The following LIPG variants were observed in gnomAD, a reference collection of about 807,000 sequenced individuals.
LIPG encodes the protein endothelial lipase.
In LIPG, 34 loss-of-function variants were observed where a neutral mutation model predicts 51.8. That is an observed-to-expected ratio of 0.66 (90% CI 0.50 to 0.87). LIPG has a LOEUF of 0.87. Among genes scored for constraint, LIPG ranks in the 40% least tolerant of loss-of-function variants. The pLI, the probability that LIPG is intolerant of heterozygous loss-of-function variation, is 0.00. For synonymous variants in LIPG, 246 were observed against 246.1 expected (o/e 1.00, Z 0.00); for missense variants, 580 against 652.7 (o/e 0.89, Z 1.21).
chr18:49,580,105 C>A (rs1251981232), intron 5 of LIPG, among the ~76,000 whole-genome samples: 1 of 152,172 alleles, frequency 6.6e-6, no homozygotes, highest in African/African-American at 2.4e-5. Flanking sequence ...TGAGCCACTG[C>A]CCGGCTGGAT....
rs45455295 is a variant in LIPG, at chr18:49,565,273, C to T, written c.98-44C>T. The T allele has an allele frequency of 5.9e-3, 9,445 of 1,600,530 alleles. 36 individuals are homozygous for T. The highest frequency in any genetic ancestry group is 7.6e-3 in the Non-Finnish European group (8,916 of 1,169,700). The stretch of plus-strand genomic sequence containing the variant: ...GAATCAGACCCCAGGTCTCTCACTC[C>T]GCAAGTCTGCTAGATGCACCCACGC... On this transcript the variant is annotated intron_variant, in intron 1 of 9. Transcript: ENST00000261292.
chr18:49,561,732 C>G (rs998603763), upstream of LIPG: 2 of 1,245,202 alleles, frequency 1.6e-6, no homozygotes, highest in African/African-American at 3.1e-5. Flanking sequence ...CGCAGAGTTT[C>G]AGGGAAATGT....
At chr18:49,561,720 G>A (rs913201451), upstream of LIPG, 19 of 1,244,968 alleles carry the variant, frequency 1.5e-5, no homozygotes, top group Non-Finnish European at 1.9e-5. Context: ...CTCCCCAGCG[G>A]ACGCAGAGTT....
Position 49,567,573 on chromosome 18 carries a change from T to C in LIPG, c.411T>C (p.Asn137=). ...AGCTTTACACGGATGCGGTCAATAA[T>C]ACCAGGGTGGTGGGACACAGCATTG... is the stretch of plus-strand genomic sequence containing the variant. The part of the protein sequence containing the change: ...AHQLYTDAVN[N]TRVVGHSIAR... Residue 137 remains asparagine (N), a synonymous_variant, in exon 3 of 10, where the codon AAT becomes AAC. Coordinates refer to ENST00000261292, the MANE Select transcript of LIPG (RefSeq NM_006033.4). The C allele has an allele frequency of 6.2e-7, 1 of 1,614,138 alleles. No homozygotes were observed. The highest frequency in any genetic ancestry group is 8.5e-7 in the Non-Finnish European group (1 of 1,180,030).
At chr18:49,563,746 G>A (rs1216984366) in intron 1 of LIPG, among the ~76,000 whole-genome samples, 1 of 152,086 alleles carries the variant, frequency 6.6e-6, no homozygotes, top group Non-Finnish European at 1.5e-5. Flanking sequence ...GGACATCTGG[G>A]TGAGGAACAA....
rs548969156 is a variant in LIPG, at chr18:49,575,907, C to T, written c.793+317C>T. ...AGGTTAGAGTGCAATGGTGCAATCT[C>T]GGCTCACTGCAACCTCCACCTCCCT... On this transcript the variant is annotated intron_variant, in intron 5 of 9. Transcript: ENST00000261292. Among the ~76,000 whole-genome samples, 3 of 150,252 alleles carry T rather than the reference C, an allele frequency of 2.0e-5. No individual in the cohort carries two copies. In the South Asian group the frequency reaches 6.3e-4, roughly 32 times the overall value.
chr18:49,561,694 C>T, upstream of LIPG: 6 of 1,245,072 alleles, frequency 4.8e-6, no homozygotes, highest in Non-Finnish European at 6.0e-6. Flanking sequence ...GGATGCTCTC[C>T]TTCTCCAGGG....
intron 1 of LIPG, 111 bp from the exon 2 acceptor site, chr18:49,565,206 C>G (rs940386427): frequency 9.5e-7 from 1 of 1,053,676 alleles, no homozygotes; most frequent in Non-Finnish European, 1.4e-6. Flanking sequence ...ATGTAAAAAC[C>G]GAAACCCAGA....
chr18:49,564,059 C>G (rs145318279), intron 1 of LIPG, among the ~76,000 whole-genome samples: 3 of 152,166 alleles, frequency 2.0e-5, no homozygotes, highest in African/African-American at 7.2e-5. Flanking sequence ...ACCTGACTTC[C>G]GCTCATGTGC....
At chr18:49,590,222 A>G (rs1317109990) in intron 9 of LIPG, 2 of 525,160 alleles carry the variant, frequency 3.8e-6, no homozygotes, top group African/African-American at 3.9e-5. Flanking sequence ...TTGTGGGTGG[A>G]TAATATGTAA....
rs2143987742 is a variant in LIPG, at chr18:49,592,100, C to T, written c.*1578C>T. 1 of 152,128 alleles carries T rather than the reference C, an allele frequency of 6.6e-6. No individual in the cohort carries two copies. Among genetic ancestry groups the T allele is most frequent in the East Asian group, 1.9e-4 (1 of 5,174 alleles). 9.4% of individuals were successfully genotyped at this position (152,128 alleles called of 1,614,324 possible). A position where few individuals can be genotyped will look rare whatever the true frequency, so the allele number is the denominator to read the frequency against. ...TGAGATTCGGGAGGAAGTGTGACACCAAGCAGGAGAGGAAGAATGATTTTC... is the reference window on the plus strand; with the variant it reads ...TGAGATTCGGGAGGAAGTGTGACACTAAGCAGGAGAGGAAGAATGATTTTC... On this transcript the variant is annotated 3_prime_UTR_variant, in exon 10 of 10. Transcript: ENST00000261292.
intron 5 of LIPG, among the ~76,000 whole-genome samples, chr18:49,580,658 G>GA (rs149374502): frequency 2.0e-4 from 29 of 145,668 alleles, no homozygotes; most frequent in South Asian, 6.6e-4. Flanking sequence ...ACAAAGCAAA[G>GA]AAAAAAAAAA....
intron 5 of LIPG, among the ~76,000 whole-genome samples, chr18:49,581,067 T>C (rs1258241633): frequency 6.6e-6 from 1 of 152,144 alleles, no homozygotes; most frequent in Non-Finnish European, 1.5e-5. Flanking sequence ...AAGACCAGCC[T>C]GGGCAATGTG....
upstream of LIPG, chr18:49,561,665 T>G: frequency 8.1e-7 from 1 of 1,238,358 alleles, no homozygotes. Context: ...AGAGAGAGTG[T>G]GGCTTTGAGC....
intron 5 of LIPG, among the ~76,000 whole-genome samples, chr18:49,580,945 C>T (rs1433356858): frequency 6.6e-6 from 1 of 152,196 alleles, no homozygotes; most frequent in Non-Finnish European, 1.5e-5. Context: ...GGGAACCTAG[C>T]ACCTTGCTGG....
chr18:49,582,627 GC>G, intron 7 of LIPG, 145 bp downstream of exon 7: 2 of 1,035,800 alleles, frequency 1.9e-6, no homozygotes, highest in Non-Finnish European at 1.5e-6. Context: ...GGTCTAGCTG[GC>G]CTCTGCAGTC....
rs2084936795 is a variant in LIPG, at chr18:49,590,937, T to C, written c.*415T>C. On this transcript the variant is annotated 3_prime_UTR_variant, in exon 10 of 10. Transcript: ENST00000261292. ...CTGCTCAGCCTGCTTTGAGCCTCAG[T>C]GAGAAGTCCTTCCGACAGGAGCTGA... 1 of 300,844 alleles carries C rather than the reference T, an allele frequency of 3.3e-6. No homozygotes were observed. The highest frequency in any genetic ancestry group is 4.4e-5 in the Admixed American group (1 of 22,594). The allele number at this position is 300,844 out of a possible 1,614,324, so 18.6% of individuals were successfully genotyped here.
At chr18:49,568,815 G>A (rs2084633698) in intron 3 of LIPG, among the ~76,000 whole-genome samples, 1 of 152,170 alleles carries the variant, frequency 6.6e-6, no homozygotes, top group South Asian at 2.1e-4. Flanking sequence ...CCCATGGAAT[G>A]GGATGAATTC....
chr18:49,561,932 G>A (rs1488296065), upstream of LIPG: 7 of 1,341,374 alleles, frequency 5.2e-6, no homozygotes, highest in South Asian at 1.2e-4. Context: ...TCCAGTCTCG[G>A]TTCCGGCGTC....
Sources: gnomAD v4.1 joint callset for allele counts (sites outside exome capture counted in the v4.1 genomes callset) on GRCh38, gnomAD v4.1.1 for gene constraint, MANE v1.5 for transcripts, NCBI Gene and HGNC (gene_info 2026-07-23, HGNC 2026-07-21) for gene names.